Variants in GPC5 observed in about 807,000 individuals in gnomAD.
The protein encoded by GPC5 is glypican-5.
A neutral mutation model predicts 53.9 loss-of-function variants in GPC5; 47 were observed. That is an observed-to-expected ratio of 0.87 (90% confidence interval 0.69 to 1.11). GPC5 has a LOEUF of 1.11. Among genes scored for constraint, GPC5 ranks in the 50% most tolerant of loss-of-function variants. The pLI is 0.00. For synonymous variants in GPC5, 286 were observed against 263.3 expected, an observed-to-expected ratio of 1.09 and a Z score of -0.84; for missense variants, 748 against 713.1, an observed-to-expected ratio of 1.05 and a Z score of -0.56.
Position 92,385,477 on chromosome 13 carries a change from T to TAC in GPC5, c.1561+240490_1561+240491dup, listed in dbSNP as rs1227095225. On this transcript the variant is annotated intron_variant, in intron 7 of 7. Transcript: ENST00000377067. ...ACATATATACACATATATACATATA[T>TAC]ACATATATACACATATATACATACA... Among the ~76,000 whole-genome samples the TAC allele has an allele frequency of 7.6e-4, 103 of 136,304 alleles. 1 individual carries two copies. The highest frequency in any genetic ancestry group is 4.3e-3 in the Middle Eastern group (1 of 232). The allele number at this position is 136,304 out of a possible 152,430, so 89.4% of individuals were successfully genotyped here.
intron 5 of GPC5, among the ~76,000 whole-genome samples, chr13:91,864,486 A>G (rs771546597): frequency 6.6e-6 from 1 of 152,202 alleles, no homozygotes; most frequent in Non-Finnish European, 1.5e-5. Flanking sequence ...TATTACATGT[A>G]AATAGTATAT....
intron 2 of GPC5, among the ~76,000 whole-genome samples, chr13:91,564,111 C>T (rs1392743112): frequency 6.6e-6 from 1 of 152,196 alleles, no homozygotes; most frequent in Non-Finnish European, 1.5e-5. Context: ...TCAGTGACAG[C>T]ACCCAATGCC....
intron 6 of GPC5, among the ~76,000 whole-genome samples, chr13:92,138,956 T>C (rs1051814825): frequency 2.0e-5 from 3 of 152,242 alleles, no homozygotes. Flanking sequence ...AATCCATTTT[T>C]GAAAATATTC....
chr13:92,517,901 C>T (rs902362045), intron 7 of GPC5, among the ~76,000 whole-genome samples: 1 of 152,114 alleles, frequency 6.6e-6, no homozygotes, highest in South Asian at 2.1e-4. Flanking sequence ...GAAGTTCAAA[C>T]CCAATGCAAA....
In GPC5 at chr13:92,022,164, T is replaced by C. The variant is rs1360997854; in HGVS notation, c.1401+114107T>C. On this transcript the variant is annotated intron_variant, in intron 6 of 7. Transcript: ENST00000377067. ...ATAGGCACGTGCTACCACACCCAGC[T>C]AATTTTTGTATTTTTTAGTAGAGAT... Among the ~76,000 whole-genome samples, 3 of 152,090 alleles carry C rather than the reference T, an allele frequency of 2.0e-5. No individual in the cohort carries two copies. The East Asian group carries it at 5.8e-4, about 29-fold the overall frequency.
At position 91,990,467 on chromosome 13, in the gene GPC5, A is replaced by G. The variant is rs557568793; in HGVS notation, c.1401+82410A>G. Among the ~76,000 whole-genome samples the G allele has an allele frequency of 1.5e-3, 228 of 152,322 alleles. 1 individual carries two copies. Among genetic ancestry groups the G allele is most frequent in the African/African-American group, 5.1e-3 (211 of 41,588 alleles). Reference sequence around the variant, plus strand: ...GGTGCCTGGAACATAGTAAGCACTCAGGAAATGGTAACACCAAGACAAAGG... The same window carrying G: ...GGTGCCTGGAACATAGTAAGCACTCGGGAAATGGTAACACCAAGACAAAGG... On this transcript the variant is annotated intron_variant, in intron 6 of 7. Coordinates refer to ENST00000377067, the MANE Select transcript of GPC5 (RefSeq NM_004466.6).
chr13:91,959,396 G>A (rs1028901367), intron 6 of GPC5, among the ~76,000 whole-genome samples: 12 of 151,728 alleles, frequency 7.9e-5, no homozygotes, highest in South Asian at 6.2e-4. Context: ...ACTCAGTCAG[G>A]AGTAAGAAGC....
chr13:92,283,442 C>T (rs2042931236), intron 7 of GPC5, among the ~76,000 whole-genome samples: 1 of 152,182 alleles, frequency 6.6e-6, no homozygotes, highest in African/African-American at 2.4e-5. Flanking sequence ...AATATACGTT[C>T]TTCTCAGCAC....
At chr13:91,399,277 CT>C in intron 1 of GPC5, 68 bp downstream of exon 1, 2 of 1,532,854 alleles carry the variant, frequency 1.3e-6, no homozygotes, top group Non-Finnish European at 1.8e-6. Flanking sequence ...CCCAGGCTCC[CT>C]TGGTGGCACT....
chr13:91,620,089 C>T (rs1357786321), intron 2 of GPC5, among the ~76,000 whole-genome samples: 1 of 152,064 alleles, frequency 6.6e-6, no homozygotes, highest in Non-Finnish European at 1.5e-5. Flanking sequence ...TCAACAGGTG[C>T]TTAATAACGG....
At chr13:92,205,816 G>A (rs1440635790) in intron 7 of GPC5, among the ~76,000 whole-genome samples, 1 of 152,076 alleles carries the variant, frequency 6.6e-6, no homozygotes, top group Non-Finnish European at 1.5e-5. Flanking sequence ...GGAGGCCCAG[G>A]CGGGTGGATC....
chr13:91,652,038 A>G (rs999858342), intron 2 of GPC5, among the ~76,000 whole-genome samples: 6 of 152,184 alleles, frequency 3.9e-5, no homozygotes, highest in African/African-American at 7.2e-5. Flanking sequence ...GGCTATTCCT[A>G]TGCAATTCAG....
chr13:92,031,865 AT>A, intron 6 of GPC5, among the ~76,000 whole-genome samples: 1 of 33,852 alleles, frequency 3.0e-5, no homozygotes, highest in Non-Finnish European at 6.3e-5. Context: ...TAATATATAT[AT>A]TATATATAAC....
chr13:92,240,973 C>G (rs1328909470), intron 7 of GPC5: 3 of 152,162 alleles, frequency 2.0e-5, no homozygotes, highest in Admixed American at 6.6e-5. Flanking sequence ...AGAAACTATT[C>G]TCTTATTTAT....
chr13:92,478,800 G>A (rs555701310), intron 7 of GPC5, among the ~76,000 whole-genome samples: 35 of 152,266 alleles, frequency 2.3e-4, no homozygotes, highest in African/African-American at 7.7e-4. Flanking sequence ...TTTGTCCAAC[G>A]TTGGACCTTC....
chr13:92,491,095 G>C (rs1246893827), intron 7 of GPC5, among the ~76,000 whole-genome samples: 1 of 152,076 alleles, frequency 6.6e-6, no homozygotes, highest in Non-Finnish European at 1.5e-5. Flanking sequence ...TTCTTGTCAG[G>C]AGATGTGTAC....
intron 7 of GPC5, among the ~76,000 whole-genome samples, chr13:92,381,880 TTATATATATTATATATAATCA>T (rs1555331655): frequency 2.3e-5 from 1 of 43,014 alleles, no homozygotes; most frequent in African/African-American, 7.9e-5. Flanking sequence ...ATATATATGA[TTATATATATTATATATAATCA>T]TATATATGAT....
intron 7 of GPC5, among the ~76,000 whole-genome samples, chr13:92,357,843 A>G (rs1440036095): frequency 1.3e-5 from 2 of 150,232 alleles, no homozygotes; most frequent in African/African-American, 5.0e-5. Context: ...CCCCTCCTCC[A>G]GCACTGGGGA....
intron 7 of GPC5, among the ~76,000 whole-genome samples, chr13:92,773,571 T>C (rs1566412354): frequency 6.6e-6 from 1 of 152,192 alleles, no homozygotes; most frequent in Non-Finnish European, 1.5e-5. Context: ...TTCACAAATA[T>C]TATTTTTCAG....
Sources: allele counts gnomAD v4.1 joint callset (sites outside exome capture counted in the v4.1 genomes callset), GRCh38; gene constraint gnomAD v4.1.1; transcripts MANE v1.5; gene names NCBI Gene and HGNC (gene_info 2026-07-23, HGNC 2026-07-21).